SCN2A: variants seen among roughly 807,000 people sequenced by gnomAD.
The protein encoded by SCN2A is sodium channel protein type 2 subunit alpha.
In SCN2A, 20 loss-of-function variants were observed where a neutral mutation model predicts 188.7. The ratio of observed to expected loss-of-function variants is 0.11; its 90% CI spans 0.07 to 0.15. The LOEUF is 0.15. Among genes scored for constraint, SCN2A ranks in the 10% least tolerant of loss-of-function variants. SCN2A has a pLI of 1.00. For missense variants in SCN2A, 1,278 were observed against 2,445.0 expected, an observed-to-expected ratio of 0.52 and a Z score of 10.07; for synonymous variants, 804 against 833.1, an observed-to-expected ratio of 0.97 and a Z score of 0.60.
Position 165,389,419 on chromosome 2 carries a change from G to A in SCN2A, c.5613G>A (p.Glu1871=), listed in dbSNP as rs1558886661. 6.2e-7 allele frequency: 1 copy of A among 1,613,964 alleles called. No individual in the cohort carries two copies. The highest frequency in any genetic ancestry group is 8.5e-7 in the Non-Finnish European group (1 of 1,179,970). The change falls in exon 27 of 27, where the codon GAG becomes GAA. Residue 1871 remains glutamate, a synonymous_variant. Coordinates refer to ENST00000375437, the MANE Select transcript of SCN2A (RefSeq NM_001040142.2). The surrounding 1 kb of genome is among the most constrained non-coding windows in gnomAD (Gnocchi z 4.2). ...AGCGTGTTTTGGGTGAGAGTGGAGA[G>A]ATGGATGCCCTTCGAATACAGATGG... is the stretch of plus-strand genomic sequence containing the variant. ...FTKRVLGESG[E]MDALRIQMEE... is the part of the protein sequence containing the mutation.
At chr2:165,370,064 A>C in intron 19 of SCN2A, 62 bp from the exon 20 acceptor site, 1 of 1,466,300 alleles carries the variant, frequency 6.8e-7, no homozygotes, top group Non-Finnish European at 9.5e-7. Context: ...TCCTTTTTTA[A>C]GAAATCATCA....
chr2:165,289,744 T>A (rs1368254656), intron 1 of SCN2A, among the ~76,000 whole-genome samples: 1 of 152,104 alleles, frequency 6.6e-6, no homozygotes, highest in African/African-American at 2.4e-5. Flanking sequence ...TGTGAAAAAA[T>A]ACTCAGTGTT....
intron 16 of SCN2A, among the ~76,000 whole-genome samples, chr2:165,347,329 A>C: frequency 6.6e-6 from 1 of 152,110 alleles, no homozygotes; most frequent in East Asian, 1.9e-4. Flanking sequence ...ATTCTCGGCA[A>C]ACTAACACAG....
chr2:165,335,637 G>A (rs1440166385), intron 14 of SCN2A, among the ~76,000 whole-genome samples: 1 of 151,614 alleles, frequency 6.6e-6, no homozygotes, highest in African/African-American at 2.4e-5. Context: ...CTAAAACTAT[G>A]AACTGTTAGA....
Position 165,314,098 on chromosome 2 carries a change from A to G in SCN2A, c.1373A>G (p.Glu458Gly). 1.2e-6 allele frequency: 2 copies of G among 1,613,314 alleles called. No homozygotes were observed. The highest frequency in any genetic ancestry group is 1.7e-6 in the Non-Finnish European group (2 of 1,179,536). Residue 458 changes from glutamate (E) to glycine (G), a missense_variant, in exon 10 of 27, where the codon GAA (glutamate) becomes GGA (glycine). By Grantham distance (98) the Glu-to-Gly change is moderately conservative. Transcript: ENST00000375437. ...CTCGAACAGTTGAAAAAGCAACAAG[A>G]AGAAGCTCAGGTATAGTGAACAAGC... Reference protein sequence around the residue: ...QMLEQLKKQQEEAQAAAAAAS... With the variant: ...QMLEQLKKQQGEAQAAAAAAS...
In SCN2A at chr2:165,239,494, T is replaced by C. The variant is rs770235239; in HGVS notation, c.-198T>C. The C allele has an allele frequency of 4.4e-4, 135 of 306,216 alleles. 1 individual carries two copies. Among genetic ancestry groups the C allele is most frequent in the Non-Finnish European group, 6.0e-4 (126 of 209,154 alleles). The allele number at this position is 306,216 out of a possible 1,614,324, so 19.0% of individuals were successfully genotyped here. On this transcript the variant is annotated 5_prime_UTR_variant, in exon 1 of 27. Transcript: ENST00000375437. ...GGGAGGATGCTGTGGTCATCCTTTC[T>C]TGTTTTTTTCTTCTTTAATGAGGAT... is the stretch of plus-strand genomic sequence containing the variant.
chr2:165,260,008 G>A (rs1837441), intron 1 of SCN2A, among the ~76,000 whole-genome samples: 21,447 of 141,250 alleles, frequency 0.15, 1,627 homozygotes, highest in South Asian at 0.23. Flanking sequence ...GCATGATTTC[G>A]GCTCAGCTCG....
chr2:165,258,097 T>G (rs2106080996), intron 1 of SCN2A, among the ~76,000 whole-genome samples: 1 of 152,322 alleles, frequency 6.6e-6, no homozygotes, highest in Non-Finnish European at 1.5e-5. Flanking sequence ...TTTGCAAATA[T>G]TTTCTCCCAT....
chr2:165,368,516 A>G (rs946309333), intron 19 of SCN2A, among the ~76,000 whole-genome samples: 1 of 152,156 alleles, frequency 6.6e-6, no homozygotes, highest in African/African-American at 2.4e-5. Flanking sequence ...ATTGCTTAAC[A>G]TAAACTCCAT....
intron 13 of SCN2A, among the ~76,000 whole-genome samples, chr2:165,328,770 CTG>C (rs1698502879): frequency 6.6e-6 from 1 of 152,120 alleles, no homozygotes; most frequent in African/African-American, 2.4e-5. Flanking sequence ...AAGCTGAAGA[CTG>C]AGAGTGTTTT....
chr2:165,383,390 G>A (rs1415563490), intron 25 of SCN2A, among the ~76,000 whole-genome samples: 2 of 152,158 alleles, frequency 1.3e-5, no homozygotes, highest in African/African-American at 4.8e-5. Context: ...AGGTCCTTAT[G>A]TAGGAGGGCT....
At chr2:165,272,105 T>C (rs943355226) in intron 1 of SCN2A, 1 of 152,080 alleles carries the variant, frequency 6.6e-6, no homozygotes, top group Non-Finnish European at 1.5e-5. Context: ...AGTTCAGTGG[T>C]ATGCTGTTTT....
chr2:165,294,030 A>G (rs1431820750), intron 1 of SCN2A: 5 of 924,638 alleles, frequency 5.4e-6, no homozygotes, highest in East Asian at 1.3e-4. Context: ...AAAAAAAAAA[A>G]AAAAAAAAGA....
At chr2:165,284,165 A>T (rs890156983) in intron 1 of SCN2A, among the ~76,000 whole-genome samples, 56 of 151,192 alleles carry the variant, frequency 3.7e-4, no homozygotes, top group Admixed American at 2.6e-3. Context: ...ATTATTATTT[A>T]ATTTATTTAT....
chr2:165,257,981 TTTGTTGTTGTTG>T (rs142097858), intron 1 of SCN2A, among the ~76,000 whole-genome samples: 1 of 151,688 alleles, frequency 6.6e-6, no homozygotes, highest in East Asian at 1.9e-4. Context: ...TAATGGTGGT[TTTGTTGTTGTTG>T]TTGTTGTTGT....
At chr2:165,318,774 T>C (rs963903151) in intron 11 of SCN2A, among the ~76,000 whole-genome samples, 6 of 152,204 alleles carry the variant, frequency 3.9e-5, no homozygotes, top group Non-Finnish European at 7.3e-5. Flanking sequence ...TTTGCCTTTC[T>C]TTTTTAGCTA....
chr2:165,290,297 GCTATAA>G (rs1696039319), intron 1 of SCN2A, among the ~76,000 whole-genome samples: 2 of 151,996 alleles, frequency 1.3e-5, no homozygotes, highest in Non-Finnish European at 2.9e-5. Flanking sequence ...TGCTATAGAA[GCTATAA>G]CTTATTTCTC....
chr2:165,240,154 G>T (rs191642284), intron 1 of SCN2A: 3 of 152,078 alleles, frequency 2.0e-5, no homozygotes, highest in African/African-American at 7.2e-5. Context: ...GAAATAATAC[G>T]TAAGTCATTT....
chr2:165,276,233 G>T (rs1298892197), intron 1 of SCN2A, among the ~76,000 whole-genome samples: 1 of 151,514 alleles, frequency 6.6e-6, no homozygotes, highest in Non-Finnish European at 1.5e-5. Flanking sequence ...TTCATAATAA[G>T]GTGTAGCTAG....
Sources: allele counts gnomAD v4.1 joint callset (sites outside exome capture counted in the v4.1 genomes callset), GRCh38; gene constraint gnomAD v4.1.1; non-coding constraint Gnocchi (gnomAD v3.1); transcripts MANE v1.5; gene names NCBI Gene and HGNC (gene_info 2026-07-23, HGNC 2026-07-21).